Variants in ENOX1 observed in about 807,000 individuals in gnomAD.
ENOX1 encodes candidate growth-related and time keeping constitutive hydroquinone (NADH) oxidase.
A neutral mutation model predicts 82.5 loss-of-function variants in ENOX1; 42 were observed. The observed-to-expected ratio is 0.51, with a 90% confidence interval of 0.40 to 0.66. The LOEUF (loss-of-function observed/expected upper bound fraction) is 0.66. Among genes scored for constraint, ENOX1 ranks in the 30% least tolerant of loss-of-function variants. ENOX1 has a pLI of 0.00. For synonymous variants in ENOX1, 271 were observed against 282.2 expected (o/e 0.96, Z 0.40); for missense variants, 608 against 811.6 (o/e 0.75, Z 3.05).
chr13:43,571,551 G>A (rs982703869), intron 2 of ENOX1, among the ~76,000 whole-genome samples: 8 of 151,858 alleles, frequency 5.3e-5, no homozygotes, highest in African/African-American at 1.7e-4. Flanking sequence ...TTAGCCGGGC[G>A]TGGTAGTGCA....
At chr13:43,216,067 G>A (rs532629967) in intron 16 of ENOX1, among the ~76,000 whole-genome samples, 2 of 152,168 alleles carry the variant, frequency 1.3e-5, no homozygotes, top group East Asian at 1.9e-4. Flanking sequence ...GTGGTGGCGC[G>A]TGCCTGTAAT....
intron 5 of ENOX1, among the ~76,000 whole-genome samples, chr13:43,364,966 A>G (rs1398592170): frequency 6.6e-6 from 1 of 152,142 alleles, no homozygotes; most frequent in African/African-American, 2.4e-5. Context: ...GTGTGGCCAC[A>G]ATGTCTGGAG....
At chr13:43,305,302 C>T (rs1187689236) in intron 11 of ENOX1, among the ~76,000 whole-genome samples, 1 of 152,158 alleles carries the variant, frequency 6.6e-6, no homozygotes, top group African/African-American at 2.4e-5. Context: ...ACGGAAATTT[C>T]TTCTGCTACA....
intron 1 of ENOX1, among the ~76,000 whole-genome samples, chr13:43,745,722 C>T (rs980192283): frequency 1.3e-5 from 2 of 152,048 alleles, no homozygotes; most frequent in Non-Finnish European, 2.9e-5. Flanking sequence ...TCCCATAATC[C>T]CCAGATGTCG....
intron 5 of ENOX1, among the ~76,000 whole-genome samples, chr13:43,390,715 C>T (rs2052722445): frequency 6.6e-6 from 1 of 152,098 alleles, no homozygotes; most frequent in African/African-American, 2.4e-5. Context: ...TGTCTCATTG[C>T]CATTTCCCCC....
chr13:43,361,416 T>C lies in ENOX1; in HGVS notation c.245A>G (p.Asn82Ser). ...ICVPGFDPSL[N>S]MMTGITPINP... is the part of the protein sequence containing the mutation. ...AATGGGGGTGATTCCAGTCATCATG[T>C]TGAGGCTTGGATCAAAGCCTGGGAC... The change falls in exon 6 of 17, where the codon AAC becomes AGC. Residue 82 changes from asparagine to serine, a missense_variant. By Grantham distance (46) the Asn-to-Ser change is conservative. Coordinates refer to ENST00000690772, the MANE Select transcript of ENOX1 (RefSeq NM_001347969.2). The C allele has an allele frequency of 6.2e-7, 1 of 1,613,200 alleles. No individual in the cohort carries two copies. The highest frequency in any genetic ancestry group is 8.5e-7 in the Non-Finnish European group (1 of 1,179,818).
At chr13:43,525,648 G>A (rs1203266844) in intron 2 of ENOX1, among the ~76,000 whole-genome samples, 1 of 151,850 alleles carries the variant, frequency 6.6e-6, no homozygotes, top group Non-Finnish European at 1.5e-5. Flanking sequence ...ACACTTATTT[G>A]GTTTTTTTTG....
chr13:43,243,684 C>T (rs1338501806), intron 14 of ENOX1, among the ~76,000 whole-genome samples: 1 of 152,218 alleles, frequency 6.6e-6, no homozygotes, highest in Non-Finnish European at 1.5e-5. Context: ...CATAATACCA[C>T]CAGGTCAATT....
At chr13:43,456,713 C>G (rs2057248229) in intron 3 of ENOX1, among the ~76,000 whole-genome samples, 1 of 152,138 alleles carries the variant, frequency 6.6e-6, no homozygotes, top group Non-Finnish European at 1.5e-5. Context: ...TCAATGTAGC[C>G]TAAGACTATC....
intron 2 of ENOX1, among the ~76,000 whole-genome samples, chr13:43,528,825 AT>A (rs890629680): frequency 3.5e-4 from 53 of 151,996 alleles, no homozygotes; most frequent in Admixed American, 7.9e-4. Flanking sequence ...TCTTAGGTAG[AT>A]TTTTTAATAT....
Position 43,447,652 on chromosome 13 carries a change from C to T in ENOX1, c.-74-34664G>A, listed in dbSNP as rs139311711. Among the ~76,000 whole-genome samples the T allele has an allele frequency of 4.5e-3, 685 of 152,202 alleles. 5 individuals are homozygous for T. The highest frequency in any genetic ancestry group is 0.015 in the African/African-American group (634 of 41,542). ...TGGGTCTGGCCAAGCATCTCTGATG[C>T]ATACATGAAATGTACATGAGCATAA... On this transcript the variant is annotated intron_variant, in intron 3 of 16. Coordinates refer to ENST00000690772, the MANE Select transcript of ENOX1 (RefSeq NM_001347969.2).
chr13:43,598,093 C>T (rs1274294784), intron 2 of ENOX1, among the ~76,000 whole-genome samples: 7 of 152,088 alleles, frequency 4.6e-5, no homozygotes, highest in South Asian at 2.1e-4. Context: ...TTGTGTCTCC[C>T]GGCTCTACAG....
At chr13:43,529,872 T>C (rs997983291) in intron 2 of ENOX1, among the ~76,000 whole-genome samples, 4 of 152,118 alleles carry the variant, frequency 2.6e-5, no homozygotes, top group Non-Finnish European at 5.9e-5. Context: ...GCCCCAATTA[T>C]ATAAGCCAAT....
chr13:43,607,647 A>G (rs1743807098), intron 2 of ENOX1, among the ~76,000 whole-genome samples: 1 of 152,208 alleles, frequency 6.6e-6, no homozygotes, highest in African/African-American at 2.4e-5. Context: ...GAATATTATA[A>G]TACTCATTAT....
chr13:43,670,294 CA>C (rs2085196545), intron 1 of ENOX1, among the ~76,000 whole-genome samples: 1 of 152,172 alleles, frequency 6.6e-6, no homozygotes, highest in Non-Finnish European at 1.5e-5. Flanking sequence ...TGTGATATGG[CA>C]ATCTTGCATA....
chr13:43,303,358 G>A, intron 11 of ENOX1, among the ~76,000 whole-genome samples: 1 of 152,210 alleles, frequency 6.6e-6, no homozygotes, highest in South Asian at 2.1e-4. Flanking sequence ...CTGCTTCTCT[G>A]CATTCTGAAT....
At chr13:43,496,004 A>G (rs940093827) in intron 2 of ENOX1, among the ~76,000 whole-genome samples, 2 of 152,186 alleles carry the variant, frequency 1.3e-5, no homozygotes, top group East Asian at 3.8e-4. Flanking sequence ...GCCAATTGGA[A>G]GAAAAATATT....
chr13:43,637,609 T>G (rs1447644836), intron 2 of ENOX1, among the ~76,000 whole-genome samples: 1 of 151,968 alleles, frequency 6.6e-6, no homozygotes, highest in Non-Finnish European at 1.5e-5. Flanking sequence ...TGGATTAGAT[T>G]GTTCTGATCT....
At chr13:43,584,774 T>C (rs974413188) in intron 2 of ENOX1, among the ~76,000 whole-genome samples, 30 of 152,162 alleles carry the variant, frequency 2.0e-4, no homozygotes, top group Non-Finnish European at 4.1e-4. Context: ...GCTAATCTAG[T>C]AGTGACTTTT....
Sources: gnomAD v4.1 joint callset for allele counts (sites outside exome capture counted in the v4.1 genomes callset) on GRCh38, gnomAD v4.1.1 for gene constraint, MANE v1.5 for transcripts, NCBI Gene and HGNC (gene_info 2026-07-23, HGNC 2026-07-21) for gene names.